Variants in ZNF521 observed in about 807,000 individuals in gnomAD.
ZNF521 encodes the protein LYST-interacting protein 3.
ZNF521 carries 14 observed loss-of-function variants against 105.5 expected under a neutral mutation model. The observed-to-expected ratio is 0.13, with a 90% CI of 0.09 to 0.21. ZNF521 has a LOEUF of 0.21. Among genes scored for constraint, ZNF521 ranks in the 10% least tolerant of loss-of-function variants. The pLI, the probability that ZNF521 is intolerant of heterozygous loss-of-function variation, is 1.00. For missense variants in ZNF521, 1,233 were observed against 1,629.7 expected (o/e 0.76, Z 4.19); for synonymous variants, 635 against 606.0 (o/e 1.05, Z -0.70).
At chr18:25,177,213 A>C (rs2035550117) in intron 5 of ZNF521, among the ~76,000 whole-genome samples, 1 of 152,142 alleles carries the variant, frequency 6.6e-6, no homozygotes, top group Non-Finnish European at 1.5e-5. Flanking sequence ...CCTCAAAGAA[A>C]ATCAGGGGAG....
intron 3 of ZNF521, among the ~76,000 whole-genome samples, chr18:25,246,076 TG>T (rs1180430943): frequency 1.3e-5 from 2 of 150,098 alleles, no homozygotes; most frequent in Non-Finnish European, 3.0e-5. Context: ...GGGCCTGTAG[TG>T]GGGTGGGAGG....
chr18:25,117,792 T>G (rs2034357933), intron 5 of ZNF521, among the ~76,000 whole-genome samples: 1 of 152,052 alleles, frequency 6.6e-6, no homozygotes, highest in Admixed American at 6.6e-5. Context: ...ACTGTAGTTT[T>G]AATGTGAGAA....
chr18:25,101,929 A>C (rs1197326055), intron 5 of ZNF521, among the ~76,000 whole-genome samples: 2 of 152,202 alleles, frequency 1.3e-5, no homozygotes, highest in Non-Finnish European at 2.9e-5. Context: ...ATTAATAACA[A>C]TAAGCAATTA....
At chr18:25,077,582 A>G (rs1038440234) in intron 7 of ZNF521, among the ~76,000 whole-genome samples, 1 of 152,076 alleles carries the variant, frequency 6.6e-6, no homozygotes, top group Non-Finnish European at 1.5e-5. Context: ...GCATCCCTCC[A>G]AAGCATAGGT....
chr18:25,284,908 G>A (rs1348232555), intron 3 of ZNF521, among the ~76,000 whole-genome samples: 5 of 139,382 alleles, frequency 3.6e-5, no homozygotes, highest in Non-Finnish European at 6.3e-5. Flanking sequence ...GCGTGCGCGC[G>A]CGCACACACA....
intron 3 of ZNF521, among the ~76,000 whole-genome samples, chr18:25,305,480 G>C (rs1300650237): frequency 6.6e-6 from 1 of 152,028 alleles, no homozygotes; most frequent in Non-Finnish European, 1.5e-5. Context: ...TTAATATTTT[G>C]TATAGAACTT....
At chr18:25,350,581 C>A (rs1243960304) in intron 2 of ZNF521, among the ~76,000 whole-genome samples, 1 of 150,812 alleles carries the variant, frequency 6.6e-6, no homozygotes, top group Non-Finnish European at 1.5e-5. Context: ...AGATCTCAGA[C>A]GGGATATTTT....
At chr18:25,323,629 T>A (rs1265325916) in intron 2 of ZNF521, among the ~76,000 whole-genome samples, 1 of 152,094 alleles carries the variant, frequency 6.6e-6, no homozygotes, top group Admixed American at 6.6e-5. Flanking sequence ...AGATATTTCA[T>A]TAAATGTTAC....
At chr18:25,134,854 G>A (rs2034704368) in intron 5 of ZNF521, among the ~76,000 whole-genome samples, 1 of 152,050 alleles carries the variant, frequency 6.6e-6, no homozygotes, top group Admixed American at 6.6e-5. Context: ...AAAAAGAGGG[G>A]TGGGAGGAGA....
intron 5 of ZNF521, among the ~76,000 whole-genome samples, chr18:25,109,720 C>T (rs2144292599): frequency 6.6e-6 from 1 of 152,216 alleles, no homozygotes; most frequent in South Asian, 2.1e-4. Flanking sequence ...AGCATTTTTG[C>T]ATGTTTCCTG....
At chr18:25,149,916 C>T (rs1230677573) in intron 5 of ZNF521, among the ~76,000 whole-genome samples, 2 of 152,256 alleles carry the variant, frequency 1.3e-5, no homozygotes, top group South Asian at 4.1e-4. Context: ...CTGAGAACCA[C>T]CCCTCTACAG....
intron 3 of ZNF521, among the ~76,000 whole-genome samples, chr18:25,293,126 A>G (rs965408183): frequency 2.6e-5 from 4 of 152,250 alleles, no homozygotes; most frequent in African/African-American, 9.6e-5. Flanking sequence ...ATAACAGAAC[A>G]TAAAACAACC....
At chr18:25,129,159 A>G (rs2034591368) in intron 5 of ZNF521, among the ~76,000 whole-genome samples, 1 of 151,610 alleles carries the variant, frequency 6.6e-6, no homozygotes, top group South Asian at 2.1e-4. Flanking sequence ...AATATAGTCA[A>G]CTGATCTTGG....
At chr18:25,123,278 A>AT (rs2034479984) in intron 5 of ZNF521, among the ~76,000 whole-genome samples, 1 of 151,972 alleles carries the variant, frequency 6.6e-6, no homozygotes, top group African/African-American at 2.4e-5. Context: ...AGCATGCTAT[A>AT]TTTTTTCCAT....
chr18:25,318,918 C>T (rs1912783241), intron 3 of ZNF521, among the ~76,000 whole-genome samples: 1 of 150,690 alleles, frequency 6.6e-6, no homozygotes, highest in Admixed American at 6.6e-5. Context: ...TTTCTAAATA[C>T]CTTTGTCCTC....
At chr18:25,218,911 C>A (rs2144710697) in intron 4 of ZNF521, among the ~76,000 whole-genome samples, 1 of 152,098 alleles carries the variant, frequency 6.6e-6, no homozygotes, top group South Asian at 2.1e-4. Context: ...CATAGGTCCA[C>A]TTATATGTGT....
chr18:25,202,980 T>C (rs2036017775), intron 4 of ZNF521: 1 of 152,226 alleles, frequency 6.6e-6, no homozygotes, highest in Non-Finnish European at 1.5e-5. Context: ...CTTACAGTGG[T>C]GGTGAATGTC....
intron 6 of ZNF521, among the ~76,000 whole-genome samples, chr18:25,090,486 G>A (rs1465803308): frequency 6.6e-6 from 1 of 152,124 alleles, no homozygotes; most frequent in African/African-American, 2.4e-5. Flanking sequence ...AAACTGCTCA[G>A]ATTTCCTTTC....
chr18:25,085,296 A>C (rs1194111551), intron 7 of ZNF521, among the ~76,000 whole-genome samples: 1 of 151,176 alleles, frequency 6.6e-6, no homozygotes, highest in African/African-American at 2.4e-5. Flanking sequence ...TCCAGTCCAG[A>C]TATATATCTG....
Sources: gnomAD v4.1 joint callset for allele counts (sites outside exome capture counted in the v4.1 genomes callset) on GRCh38, gnomAD v4.1.1 for gene constraint, MANE v1.5 for transcripts, NCBI Gene and HGNC (gene_info 2026-07-23, HGNC 2026-07-21) for gene names.